The following CLCA1 variants were observed in gnomAD, a reference collection of about 807,000 sequenced individuals.
The protein encoded by CLCA1 is chloride channel accessory 1, also known as calcium-activated chloride channel regulator 1.
A neutral mutation model predicts 85.6 loss-of-function variants in CLCA1; 59 were observed. The observed-to-expected ratio is 0.69, with a 90% CI of 0.56 to 0.86. The LOEUF (loss-of-function observed/expected upper bound fraction) is 0.86, where lower values mean the gene tolerates loss of function less well. CLCA1 is among the 40% of genes least tolerant of loss of function. CLCA1 has a pLI of 0.00. For synonymous variants in CLCA1, 396 were observed against 398.3 expected (o/e 0.99, Z 0.07); for missense variants, 1,022 against 1,101.4 (o/e 0.93, Z 1.02).
intron 5 of CLCA1, 28 bp downstream of exon 5, chr1:86,482,410 C>T (rs749625881): frequency 3.1e-6 from 5 of 1,596,164 alleles, no homozygotes; most frequent in Non-Finnish European, 4.3e-6. Flanking sequence ...ACCCCCTCCC[C>T]CAGATTCTTA....
At chr1:86,491,130 C>G (rs1033196740) in intron 8 of CLCA1, 135 bp from the exon 9 acceptor site, 4 of 539,132 alleles carry the variant, frequency 7.4e-6, no homozygotes, top group Non-Finnish European at 1.3e-5. Flanking sequence ...ATGTAGGCAC[C>G]TATTTGATGT....
Position 86,485,383 on chromosome 1 carries a change from C to T in CLCA1, c.776C>T (p.Ala259Val), listed in dbSNP as rs1247679886. 2.9e-5 allele frequency: 47 copies of T among 1,613,968 alleles called. No homozygotes were observed. Among genetic ancestry groups the T allele is most frequent in the Non-Finnish European group, 3.9e-5 (46 of 1,179,984 alleles). Residue 259 changes from alanine to valine, a missense_variant, in exon 6 of 14, where the codon GCT (alanine) becomes GTT (valine). Transcript: ENST00000394711. ...FCTEQNHNKEAPNKQNQKCNL... is the reference protein window; with the variant it reads ...FCTEQNHNKEVPNKQNQKCNL... ...ACAGAACAAAACCACAACAAAGAAG[C>T]TCCAAACAAGCAAAATCAAAAATGC...
At chr1:86,483,864 G>A (rs1647885349) in intron 5 of CLCA1, among the ~76,000 whole-genome samples, 1 of 152,112 alleles carries the variant, frequency 6.6e-6, no homozygotes, top group South Asian at 2.1e-4. Context: ...TCTAAGACTG[G>A]ATAATTTATA....
intron 9 of CLCA1, among the ~76,000 whole-genome samples, chr1:86,491,740 G>A (rs1359119723): frequency 6.6e-6 from 1 of 152,142 alleles, no homozygotes; most frequent in Non-Finnish European, 1.5e-5. Context: ...AAGTGTCCAG[G>A]GATTACTTGC....
chr1:86,498,953 T>C (rs1648380587), intron 13 of CLCA1, 142 bp downstream of exon 13: 1 of 887,534 alleles, frequency 1.1e-6, no homozygotes. Context: ...AAATGAGGGA[T>C]AAATGTATTT....
chr1:86,494,571 G>A (rs368102382), intron 11 of CLCA1, 123 bp downstream of exon 11: 16 of 971,290 alleles, frequency 1.6e-5, no homozygotes, highest in Admixed American at 1.2e-4. Context: ...CTGAGGTCTG[G>A]TTGGGAGAGT....
At position 86,473,754 on chromosome 1, in the gene CLCA1, C is replaced by T; in HGVS notation, c.329C>T (p.Thr110Ile). Residue 110 changes from threonine (T) to isoleucine (I), a missense_variant, in exon 3 of 14, where the codon ACT (threonine) becomes ATT (isoleucine). Coordinates refer to ENST00000394711, the MANE Select transcript of CLCA1 (RefSeq NM_001285.4). ...KNADVLVAES[T>I]PPGNDEPYTE... ...GCTGATGTTCTGGTTGCTGAGTCTA[C>T]TCCTCCAGGTAATGATGAACCCTAC... 1 of 1,589,548 alleles carries T rather than the reference C, an allele frequency of 6.3e-7. No homozygotes were observed.
At chr1:86,482,404 C>A (rs747253356) in intron 5 of CLCA1, 22 bp downstream of exon 5, 1 of 1,601,674 alleles carries the variant, frequency 6.2e-7, no homozygotes, top group Non-Finnish European at 8.5e-7. Context: ...GTTCTCACCC[C>A]CTCCCCCAGA....
rs770200727 is a variant in CLCA1, at chr1:86,473,476, C to A, written c.222C>A (p.Phe74Leu). The A allele has an allele frequency of 2.5e-6, 4 of 1,610,070 alleles. No homozygotes were observed. The East Asian group carries it at 6.7e-5, about 27-fold the overall frequency. Residue 74 changes from phenylalanine to leucine, a missense_variant, in exon 2 of 14, where the codon TTC (phenylalanine) becomes TTA (leucine). By Grantham distance (22) the Phe-to-Leu change is conservative. Coordinates refer to ENST00000394711, the MANE Select transcript of CLCA1 (RefSeq NM_001285.4). Reference sequence around the variant, plus strand: ...AAGCTACAGGAAAGCGATTTTATTTCAAAAATGTTGCCATTTTGATTCCTG... The same window carrying A: ...AAGCTACAGGAAAGCGATTTTATTTAAAAAATGTTGCCATTTTGATTCCTG... ...LLEATGKRFY[F>L]KNVAILIPET...
At chr1:86,487,956 C>A (rs1034328604) in intron 7 of CLCA1, among the ~76,000 whole-genome samples, 1 of 152,208 alleles carries the variant, frequency 6.6e-6, no homozygotes, top group Non-Finnish European at 1.5e-5. Flanking sequence ...AGGCCAAAGC[C>A]GTGATCACAG....
At position 86,486,164 on chromosome 1, in the gene CLCA1, G is replaced by A. The variant is rs373597461; in HGVS notation, c.955-362G>A. Among the ~76,000 whole-genome samples, 61 of 152,256 alleles carry A rather than the reference G, an allele frequency of 4.0e-4. 1 individual carries two copies. In the South Asian group the frequency reaches 0.012, roughly 31 times the overall value. On this transcript the variant is annotated intron_variant, in intron 6 of 13. Coordinates refer to ENST00000394711, the MANE Select transcript of CLCA1 (RefSeq NM_001285.4). ...TCCATGTTCCTCCCACCTCCCACCA[G>A]GTCCCTCCCTCGACATGTGGGGATT...
intron 7 of CLCA1, among the ~76,000 whole-genome samples, chr1:86,488,012 C>G (rs550192545): frequency 6.6e-6 from 1 of 152,370 alleles, no homozygotes; most frequent in South Asian, 2.1e-4. Flanking sequence ...GCAACAGCAA[C>G]AGTCACTGTT....
rs764483721 is a variant in CLCA1 at position 86,476,468 on chromosome 1, TG to T, written c.475del (p.Ala159LeufsTer27). 3 of 1,597,842 alleles carry T rather than the reference TG, an allele frequency of 1.9e-6. No homozygotes were observed. The highest frequency in any genetic ancestry group is 2.6e-6 in the Non-Finnish European group (3 of 1,165,878). ...GPQGRAFVHE[W>X]AHLRWGVFDE... is the part of the protein sequence containing the mutation. ...CACAGGTAGGGCATTTGTCCATGAG[TG>T]GGCTCATCTACGATGGGGAGTATTT... is the stretch of plus-strand genomic sequence containing the variant. On this transcript the variant is annotated frameshift_variant, in exon 4 of 14. Coordinates refer to ENST00000394711, the MANE Select transcript of CLCA1 (RefSeq NM_001285.4). LOFTEE classifies it high-confidence loss of function.
At chr1:86,494,094 T>C (rs1648208711) in intron 10 of CLCA1, 93 bp from the exon 11 acceptor site, 1 of 1,403,602 alleles carries the variant, frequency 7.1e-7, no homozygotes, top group African/African-American at 1.4e-5. Flanking sequence ...TCCAACATGC[T>C]TATATCAGAG....
intron 3 of CLCA1, among the ~76,000 whole-genome samples, chr1:86,474,494 T>C (rs1183516929): frequency 2.7e-5 from 4 of 149,992 alleles, no homozygotes; most frequent in African/African-American, 4.9e-5. Context: ...GCGGAGGTTG[T>C]AGTGAGCCAA....
In CLCA1 at chr1:86,485,362, A is replaced by C. The variant is rs767662572; in HGVS notation, c.755A>C (p.Glu252Ala). 17 of 1,613,808 alleles carry C rather than the reference A, an allele frequency of 1.1e-5. No homozygotes were observed. Among genetic ancestry groups the C allele is most frequent in the Non-Finnish European group, 1.0e-5 (12 of 1,179,806 alleles). ...HVDSIVEFCT[E>A]QNHNKEAPNK... ...TTTCAGATAGTTGAATTCTGTACAG[A>C]ACAAAACCACAACAAAGAAGCTCCA... Residue 252 changes from glutamate (E) to alanine (A), a missense_variant, in exon 6 of 14, where the codon GAA becomes GCA. Glu to Ala is a moderately radical substitution (Grantham distance 107). Transcript: ENST00000394711.
At chr1:86,480,228 A>T (rs763967806) in intron 4 of CLCA1, among the ~76,000 whole-genome samples, 4 of 152,178 alleles carry the variant, frequency 2.6e-5, no homozygotes, top group Non-Finnish European at 5.9e-5. Context: ...CAAACCAAAC[A>T]TAAACTAAAT....
At position 86,494,264 on chromosome 1, in the gene CLCA1, T is replaced by C; in HGVS notation, c.1758T>C (p.Ala586=). Reference sequence around the variant, plus strand: ...CTGTCACGTCCCGTGCGTCCAATGCTACCCTGCCTCCAATTACAGTGACTT... The same window carrying C: ...CTGTCACGTCCCGTGCGTCCAATGCCACCCTGCCTCCAATTACAGTGACTT... ...TLTVTSRASN[A]TLPPITVTSK... is the part of the protein sequence containing the mutation. The change falls in exon 11 of 14, where the codon GCT becomes GCC. Residue 586 remains alanine (A), a synonymous_variant. Coordinates refer to ENST00000394711, the MANE Select transcript of CLCA1 (RefSeq NM_001285.4). The C allele has an allele frequency of 6.2e-7, 1 of 1,614,202 alleles. No homozygotes were observed. Among genetic ancestry groups the C allele is most frequent in the Non-Finnish European group, 8.5e-7 (1 of 1,180,022 alleles).
Position 86,500,086 on chromosome 1 carries a change from C to T in CLCA1, c.*41C>T. 3.6e-6 allele frequency: 5 copies of T among 1,397,576 alleles called. No homozygotes were observed. The highest frequency in any genetic ancestry group is 2.4e-5 in the East Asian group (1 of 41,998). 86.6% of individuals were successfully genotyped at this position (1,397,576 alleles called of 1,614,324 possible). On this transcript the variant is annotated 3_prime_UTR_variant, in exon 14 of 14. Transcript: ENST00000394711. ...AGATAAATAAAATAAATCATTCATC[C>T]TTTTTTTTGATTATAAAATTTTCTA...
Sources: gnomAD v4.1 joint callset for allele counts (sites outside exome capture counted in the v4.1 genomes callset) on GRCh38, gnomAD v4.1.1 for gene constraint, MANE v1.5 for transcripts, NCBI Gene and HGNC (gene_info 2026-07-23, HGNC 2026-07-21) for gene names.